CPAMD8: variants seen among roughly 807,000 people sequenced by gnomAD.
CPAMD8 encodes C3 and PZP like alpha-2-macroglobulin domain containing 8.
In CPAMD8, 146 loss-of-function variants were observed where a neutral mutation model predicts 224.7. The ratio of observed to expected loss-of-function variants is 0.65; its 90% CI spans 0.57 to 0.75. The LOEUF (loss-of-function observed/expected upper bound fraction) is 0.75, where lower values mean the gene tolerates loss of function less well. CPAMD8 is among the 30% of genes least tolerant of loss of function. The probability of loss-of-function intolerance (pLI) is 0.00; values close to 1 mark genes in which losing one functional copy is unlikely to be tolerated. For synonymous variants in CPAMD8, 966 were observed against 1,044.6 expected (o/e 0.92, Z 1.45); for missense variants, 2,301 against 2,537.5 (o/e 0.91, Z 2.00).
rs566481459 is a variant in CPAMD8 at position 16,928,052 on chromosome 19, G to T, written c.3327C>A (p.His1109Gln). ...YSEAFTLGVP[H>Q]GAIPGSERAT... Reference sequence around the variant, plus strand: ...CTCGCTCAGACCCAGGGATGGCGCCGTGTGGGACCCCCAGGGTGAAGGCCT... The same window carrying T: ...CTCGCTCAGACCCAGGGATGGCGCCTTGTGGGACCCCCAGGGTGAAGGCCT... Residue 1109 changes from histidine (H) to glutamine (Q), a missense_variant, in exon 25 of 42, where the codon CAC becomes CAA. Physicochemically the swap from His to Gln is conservative, Grantham distance 24 (BLOSUM62 0). Around this residue, in one of 4 missense-constraint regions of CPAMD8, gnomAD observed 1,709 missense variants for 1,753.2 expected, o/e 0.97. Transcript: ENST00000443236. 2 of 1,613,760 alleles carry T rather than the reference G, an allele frequency of 1.2e-6. No homozygotes were observed. Among genetic ancestry groups the T allele is most frequent in the South Asian group, 2.2e-5 (2 of 91,078 alleles).
At chr19:16,895,043 G>T (rs947252961) in intron 41 of CPAMD8, 1 of 157,098 alleles carries the variant, frequency 6.4e-6, no homozygotes, top group Non-Finnish European at 1.4e-5. Flanking sequence ...AGCTCAGGAG[G>T]TCAAGGCTGC....
chr19:16,985,605 A>G (rs555108028), intron 13 of CPAMD8, among the ~76,000 whole-genome samples: 2 of 147,360 alleles, frequency 1.4e-5, no homozygotes, highest in Non-Finnish European at 3.0e-5. Flanking sequence ...AAATGGATGG[A>G]TGGATGATGG....
In CPAMD8 at chr19:16,929,010, T is replaced by C. The variant is rs770501540; in HGVS notation, c.3076A>G (p.Thr1026Ala). 6.2e-7 allele frequency: 1 copy of C among 1,614,032 alleles called. No individual in the cohort carries two copies. The highest frequency in any genetic ancestry group is 8.5e-7 in the Non-Finnish European group (1 of 1,179,906). ...KMGEPVASAH[T>A]AKILSWDEFR... Reference sequence around the variant, plus strand: ...TCATCCCAGGAGAGGATCTTGGCCGTGTGTGCACTGGCCACGGGCTCTCCC... The same window carrying C: ...TCATCCCAGGAGAGGATCTTGGCCGCGTGTGCACTGGCCACGGGCTCTCCC... The change falls in exon 24 of 42, where the codon ACG becomes GCG. Residue 1026 changes from threonine (T) to alanine (A), a missense_variant. By Grantham distance (58) the Thr-to-Ala change is moderately conservative. Transcript: ENST00000443236.
intron 33 of CPAMD8, 23 bp downstream of exon 33, chr19:16,903,679 A>G: frequency 1.2e-6 from 2 of 1,613,768 alleles, no homozygotes; most frequent in Non-Finnish European, 1.7e-6. Flanking sequence ...CAACCCCCAA[A>G]CCCTCATCCC....
At chr19:16,951,872 A>G (rs1430963449) in intron 20 of CPAMD8, 97 bp downstream of exon 20, 1 of 777,638 alleles carries the variant, frequency 1.3e-6, no homozygotes, top group Non-Finnish European at 2.1e-6. Flanking sequence ...AAATCCCCCA[A>G]GCTGACACTG....
At chr19:16,975,643 C>T (rs1217706506) in intron 16 of CPAMD8, among the ~76,000 whole-genome samples, 3 of 151,896 alleles carry the variant, frequency 2.0e-5, no homozygotes, top group Non-Finnish European at 4.4e-5. Context: ...AGGAGGTGTT[C>T]GCTACAGTGA....
intron 41 of CPAMD8, chr19:16,895,961 G>C: frequency 1.4e-6 from 1 of 691,824 alleles, no homozygotes; most frequent in South Asian, 1.5e-5. Flanking sequence ...CTGTTCGCTG[G>C]TGGGTGTTGC....
At chr19:17,013,683 G>A (rs1447415447) in intron 3 of CPAMD8, among the ~76,000 whole-genome samples, 1 of 151,644 alleles carries the variant, frequency 6.6e-6, no homozygotes, top group African/African-American at 2.4e-5. Context: ...TGGGGACAGG[G>A]TCTTCTTTTG....
At position 16,980,498 on chromosome 19, in the gene CPAMD8, T is replaced by C. The variant is rs1304447340; in HGVS notation, c.1584A>G (p.Thr528=). ...KPIRLTHLSE[T]EPPPAPEAEV... is the part of the protein sequence containing the mutation. ...CCTTCTCCCTGCTGCCCGGCTCACC[T>C]GTCTCAGAAAGGTGTGTTAAACGAA... The change falls in exon 14 of 42, where the codon ACA becomes ACG. Residue 528 remains threonine (T), a splice_region_variant and synonymous_variant. Transcript: ENST00000443236. 1 of 1,612,740 alleles carries C rather than the reference T, an allele frequency of 6.2e-7. No homozygotes were observed. Among genetic ancestry groups the C allele is most frequent in the Non-Finnish European group, 8.5e-7 (1 of 1,179,786 alleles).
At chr19:16,989,900 C>T (rs1662786964) in intron 12 of CPAMD8, 129 bp from the exon 13 acceptor site, 9 of 832,430 alleles carry the variant, frequency 1.1e-5, no homozygotes, top group South Asian at 7.5e-5. Context: ...GGGGAACCCC[C>T]TCCCCAATCC....
At position 16,975,886 on chromosome 19, in the gene CPAMD8, C is replaced by A. The variant is rs573887698; in HGVS notation, c.1908+116G>T. 1.7e-5 allele frequency: 19 copies of A among 1,143,104 alleles called. No individual in the cohort carries two copies. The East Asian group carries it at 3.2e-4, about 20-fold the overall frequency. The allele number at this position is 1,143,104 out of a possible 1,614,324, so 70.8% of individuals were successfully genotyped here. On this transcript the variant is annotated intron_variant, in intron 16 of 41. Transcript: ENST00000443236. Reference sequence around the variant, plus strand: ...TGAAAAATGAACCCGACGGAGAAAGCGAATCTGGATTCAAATGCCACTCTT... The same window carrying A: ...TGAAAAATGAACCCGACGGAGAAAGAGAATCTGGATTCAAATGCCACTCTT...
At chr19:17,006,370 A>C (rs1279426949) in intron 7 of CPAMD8, among the ~76,000 whole-genome samples, 1 of 152,052 alleles carries the variant, frequency 6.6e-6, no homozygotes, top group Non-Finnish European at 1.5e-5. Flanking sequence ...AAAAATTTAA[A>C]AAATTAGCTG....
At chr19:16,913,360 G>A (rs1258658875) in intron 29 of CPAMD8, among the ~76,000 whole-genome samples, 1 of 152,118 alleles carries the variant, frequency 6.6e-6, no homozygotes, top group Non-Finnish European at 1.5e-5. Flanking sequence ...GAGGTCACGA[G>A]GATGGGGCCT....
intron 29 of CPAMD8, among the ~76,000 whole-genome samples, chr19:16,910,219 G>C (rs141138992): frequency 2.8e-3 from 429 of 150,930 alleles, no homozygotes; most frequent in Admixed American, 4.4e-3. Context: ...GCCCATGCTG[G>C]AGTGCAATGG....
At chr19:16,965,959 C>T (rs968448783) in intron 18 of CPAMD8, among the ~76,000 whole-genome samples, 3 of 152,166 alleles carry the variant, frequency 2.0e-5, no homozygotes, top group African/African-American at 7.2e-5. Flanking sequence ...ATCAAGCTAC[C>T]AATGACTTTC....
intron 5 of CPAMD8, among the ~76,000 whole-genome samples, chr19:17,011,179 A>G (rs947210312): frequency 6.6e-6 from 1 of 152,226 alleles, no homozygotes; most frequent in East Asian, 1.9e-4. Context: ...TTGGCAATAG[A>G]GCGAGAGACT....
intron 3 of CPAMD8, among the ~76,000 whole-genome samples, chr19:17,016,185 C>T (rs956041201): frequency 6.6e-6 from 1 of 152,094 alleles, no homozygotes; most frequent in African/African-American, 2.4e-5. Context: ...CAACTCCTGG[C>T]CTCAAGCGAT....
intron 1 of CPAMD8, 151 bp from the exon 2 acceptor site, chr19:17,022,332 C>G (rs1035600505): frequency 2.4e-5 from 20 of 826,390 alleles, no homozygotes; most frequent in African/African-American, 2.4e-4. Context: ...CTGTGCCCCC[C>G]CATCAGTTCT....
At chr19:16,934,479 G>A (rs1270190144) in intron 23 of CPAMD8, among the ~76,000 whole-genome samples, 1 of 151,998 alleles carries the variant, frequency 6.6e-6, no homozygotes, top group Non-Finnish European at 1.5e-5. Flanking sequence ...GTTCTAAAAT[G>A]CTCCATAATG....
Sources: gnomAD v4.1 joint callset for allele counts (sites outside exome capture counted in the v4.1 genomes callset) on GRCh38, gnomAD v4.1.1 for gene constraint, gnomAD v4.1.1 regional missense constraint, MANE v1.5 for transcripts, NCBI Gene and HGNC (gene_info 2026-07-23, HGNC 2026-07-21) for gene names.